TACC2: variants seen among roughly 807,000 people sequenced by gnomAD.
TACC2 encodes transforming acidic coiled-coil-containing protein 2.
In TACC2, 137 loss-of-function variants were observed where a neutral mutation model predicts 227.3. The observed-to-expected ratio is 0.60, with a 90% CI of 0.52 to 0.69. TACC2 has a LOEUF of 0.69. TACC2 is among the 30% of genes least tolerant of loss of function. TACC2 has a pLI of 0.00. For missense variants in TACC2, 3,470 were observed against 3,694.4 expected (o/e 0.94, Z 1.57); for synonymous variants, 1,523 against 1,487.5 (o/e 1.02, Z -0.55).
intron 5 of TACC2, among the ~76,000 whole-genome samples, chr10:122,120,151 T>G (rs1045848559): frequency 6.6e-6 from 1 of 152,118 alleles, no homozygotes; most frequent in Non-Finnish European, 1.5e-5. Flanking sequence ...GTCCTCACAG[T>G]AAGGTCTCCT....
At position 122,083,141 on chromosome 10, in the gene TACC2, G is replaced by A; in HGVS notation, c.641G>A (p.Cys214Tyr). The change falls in exon 4 of 23, where the codon TGT becomes TAT. Residue 214 changes from cysteine to tyrosine, a missense_variant. By Grantham distance (194) the Cys-to-Tyr change is radical. This residue lies in a region of TACC2 where 405 missense variants were observed against 389.6 expected (regional missense o/e 1.04). Transcript: ENST00000369005. ...AGAGAGCCAATGAAGGCACCGCTGT[G>A]TGGAGAGGGGGACCAGCCTGGTGGT... ...PLREPMKAPL[C>Y]GEGDQPGGFE... 1 of 1,613,206 alleles carries A rather than the reference G, an allele frequency of 6.2e-7. No homozygotes were observed. The highest frequency in any genetic ancestry group is 8.5e-7 in the Non-Finnish European group (1 of 1,180,022).
At chr10:122,025,583 T>TA (rs1388905385) in intron 2 of TACC2, among the ~76,000 whole-genome samples, 22 of 130,142 alleles carry the variant, frequency 1.7e-4, no homozygotes, top group African/African-American at 6.6e-4. Context: ...TTATTTTATT[T>TA]TTTTTTTTGA....
intron 3 of TACC2, among the ~76,000 whole-genome samples, chr10:122,076,568 TAAC>T (rs1366416845): frequency 3.3e-5 from 5 of 152,194 alleles, no homozygotes; most frequent in African/African-American, 1.2e-4. Flanking sequence ...TTTATGAAAA[TAAC>T]AAATCATTCA....
At chr10:122,120,788 T>C (rs2085610690) in intron 5 of TACC2, among the ~76,000 whole-genome samples, 1 of 151,192 alleles carries the variant, frequency 6.6e-6, no homozygotes, top group South Asian at 2.1e-4. Flanking sequence ...TGAGACGGAG[T>C]CCTGCTCTGT....
At chr10:122,242,943 C>T (rs1231327248) in intron 19 of TACC2, among the ~76,000 whole-genome samples, 3 of 151,490 alleles carry the variant, frequency 2.0e-5, no homozygotes, top group African/African-American at 4.9e-5. Context: ...CCCATGATAA[C>T]CAGTTTTGTT....
At chr10:122,001,286 G>A (rs1027977180) in intron 1 of TACC2, among the ~76,000 whole-genome samples, 10 of 152,228 alleles carry the variant, frequency 6.6e-5, no homozygotes, top group Admixed American at 4.6e-4. Context: ...CATGTCTGGG[G>A]AGGCCTCACA....
chr10:122,105,637 T>TTTTTA (rs2082673502), intron 5 of TACC2, among the ~76,000 whole-genome samples: 1 of 151,696 alleles, frequency 6.6e-6, no homozygotes. Flanking sequence ...TTTTTTTTTT[T>TTTTTA]GAGATGGAGT....
At position 122,012,226 on chromosome 10, in the gene TACC2, C is replaced by T. The variant is rs370470389; in HGVS notation, c.-45-9711C>T. ...CATGAGGTCAGGAGATTGAGACAAT[C>T]CTGGCAAACATGGTGAAACCCCATC... On this transcript the variant is annotated intron_variant, in intron 1 of 22. Coordinates refer to ENST00000369005, the MANE Select transcript of TACC2 (RefSeq NM_206862.4). Among the ~76,000 whole-genome samples, 146 of 151,858 alleles carry T rather than the reference C, an allele frequency of 9.6e-4. 1 individual carries two copies. The Middle Eastern group carries it at 0.024, about 25-fold the overall frequency.
At chr10:122,211,948 A>G (rs558568217) in intron 9 of TACC2, among the ~76,000 whole-genome samples, 1 of 152,188 alleles carries the variant, frequency 6.6e-6, no homozygotes, top group African/African-American at 2.4e-5. Flanking sequence ...CTTTTGCTTT[A>G]ATAAATCAAT....
chr10:122,115,476 G>A (rs562655686), intron 5 of TACC2, among the ~76,000 whole-genome samples: 10 of 152,194 alleles, frequency 6.6e-5, no homozygotes, highest in Admixed American at 1.3e-4. Context: ...CCAGTGACTG[G>A]GGAGGATGCT....
chr10:122,161,846 A>G (rs1375356034), intron 7 of TACC2, among the ~76,000 whole-genome samples: 1 of 152,260 alleles, frequency 6.6e-6, no homozygotes, highest in Non-Finnish European at 1.5e-5. Context: ...TAGAGCTTAC[A>G]GATGTTTCAG....
intron 3 of TACC2, chr10:122,051,674 C>A (rs1427457473): frequency 6.6e-6 from 1 of 151,196 alleles, no homozygotes; most frequent in African/African-American, 2.4e-5. Context: ...AACAAAAATG[C>A]AAAATGGAAT....
At chr10:122,040,135 TA>T (rs1476007596) in intron 2 of TACC2, among the ~76,000 whole-genome samples, 2 of 152,200 alleles carry the variant, frequency 1.3e-5, no homozygotes, top group Non-Finnish European at 2.9e-5. Context: ...ACAGGTGATG[TA>T]TTGCACCACC....
At chr10:122,063,053 G>A (rs1055085198) in intron 3 of TACC2, among the ~76,000 whole-genome samples, 2 of 119,502 alleles carry the variant, frequency 1.7e-5, no homozygotes, top group African/African-American at 5.1e-5. Context: ...ACCCAGACTC[G>A]TAACTGACTC....
chr10:122,069,200 G>A (rs2136656916), intron 3 of TACC2, among the ~76,000 whole-genome samples: 1 of 152,106 alleles, frequency 6.6e-6, no homozygotes, highest in South Asian at 2.1e-4. Context: ...ACCTTCAGTG[G>A]GGGCAACAGC....
chr10:122,014,152 A>G (rs1956269350), intron 1 of TACC2, among the ~76,000 whole-genome samples: 1 of 152,176 alleles, frequency 6.6e-6, no homozygotes, highest in South Asian at 2.1e-4. Flanking sequence ...AGAGAAGTAT[A>G]GGGTAAAGAC....
At chr10:122,078,057 T>C (rs933298282) in intron 3 of TACC2, among the ~76,000 whole-genome samples, 2 of 152,012 alleles carry the variant, frequency 1.3e-5, no homozygotes, top group East Asian at 3.9e-4. Flanking sequence ...TAGCCGGGCA[T>C]GGTGGTGCAC....
chr10:122,158,735 A>G (rs2092645228), intron 7 of TACC2, among the ~76,000 whole-genome samples: 1 of 152,262 alleles, frequency 6.6e-6, no homozygotes, highest in Admixed American at 6.5e-5. Context: ...CTTAAGCCCA[A>G]GAAACCACTT....
chr10:122,150,236 G>A lies in TACC2; in HGVS notation c.5834+6530G>A, dbSNP rs2091897439. On this transcript the variant is annotated intron_variant, in intron 7 of 22. Transcript: ENST00000369005. This position sits in a 1 kb window ranked among gnomAD's most constrained non-coding sequence, Gnocchi z 4.0. ...GACGCCATCTGGGCGGCAGTCCCACGGCCCCTAGAGCAGCTGGGAAGGGGA... is the reference window on the plus strand; with the variant it reads ...GACGCCATCTGGGCGGCAGTCCCACAGCCCCTAGAGCAGCTGGGAAGGGGA... Among the ~76,000 whole-genome samples the A allele has an allele frequency of 6.6e-6, 1 of 152,238 alleles. No individual in the cohort carries two copies. The highest frequency in any genetic ancestry group is 1.5e-5 in the Non-Finnish European group (1 of 68,040).
Sources: allele counts gnomAD v4.1 joint callset (sites outside exome capture counted in the v4.1 genomes callset), GRCh38; gene constraint gnomAD v4.1.1; regional missense constraint gnomAD v4.1.1; non-coding constraint Gnocchi (gnomAD v3.1); transcripts MANE v1.5; gene names NCBI Gene and HGNC (gene_info 2026-07-23, HGNC 2026-07-21).